The following WDR11 variants were observed in gnomAD, a reference collection of about 807,000 sequenced individuals.
WDR11 encodes WD repeat-containing protein 11.
In WDR11, 83 loss-of-function variants were observed where a neutral mutation model predicts 151.2. The ratio of observed to expected loss-of-function variants is 0.55; its 90% CI spans 0.46 to 0.66. The LOEUF is 0.66. Ranked by LOEUF, WDR11 falls within the 30% of genes least tolerant of loss-of-function variation. WDR11 has a pLI of 0.00. For missense variants in WDR11, 1,301 were observed against 1,480.9 expected (o/e 0.88, Z 1.99); for synonymous variants, 484 against 533.1 (o/e 0.91, Z 1.27).
intron 9 of WDR11, 125 bp from the exon 10 acceptor site, chr10:120,871,045 A>G (rs976994516): frequency 5.1e-6 from 5 of 976,702 alleles, no homozygotes; most frequent in East Asian, 2.6e-5. Flanking sequence ...TACAGCCACT[A>G]AAGTACTACA....
intron 14 of WDR11, among the ~76,000 whole-genome samples, chr10:120,885,370 A>G (rs1280511361): frequency 6.6e-6 from 1 of 152,114 alleles, no homozygotes; most frequent in African/African-American, 2.4e-5. Context: ...GAACTTATAC[A>G]TATGCGAGGA....
Position 120,903,081 on chromosome 10 carries a change from A to C in WDR11, c.2780A>C (p.His927Pro). The C allele has an allele frequency of 6.2e-7, 1 of 1,614,122 alleles. No homozygotes were observed. Among genetic ancestry groups the C allele is most frequent in the East Asian group, 2.2e-5 (1 of 44,882 alleles). The change falls in exon 23 of 29, where the codon CAC (histidine) becomes CCC (proline). Residue 927 changes from histidine to proline, a missense_variant. Coordinates refer to ENST00000263461, the MANE Select transcript of WDR11 (RefSeq NM_018117.12). ...CTCTATGGTGATGAATCGGAGCTGC[A>C]CTTCTGGACTGTCGCTGCCCACTAC... is the stretch of plus-strand genomic sequence containing the variant. The part of the protein sequence containing the change: ...SRLYGDESEL[H>P]FWTVAAHYLH...
At position 120,905,372 on chromosome 10, in the gene WDR11, C is replaced by G. The variant is rs1847995373; in HGVS notation, c.3247C>G (p.Leu1083Val). 2 of 1,614,188 alleles carry G rather than the reference C, an allele frequency of 1.2e-6. No individual in the cohort carries two copies. The highest frequency in any genetic ancestry group is 4.5e-5 in the East Asian group (2 of 44,882). The part of the protein sequence containing the change: ...IDKAADACRY[L>V]QTYGEWNRAA... Reference sequence around the variant, plus strand: ...TAAGGCTGCAGACGCCTGCCGCTACCTGCAGACATACGGCGAGTGGAATCG... The same window carrying G: ...TAAGGCTGCAGACGCCTGCCGCTACGTGCAGACATACGGCGAGTGGAATCG... Residue 1083 changes from leucine to valine, a missense_variant, in exon 26 of 29, where the codon CTG becomes GTG. By Grantham distance (32) the Leu-to-Val change is conservative. This residue lies in a region of WDR11 where 589 missense variants were observed against 670.6 expected (regional missense o/e 0.88). Transcript: ENST00000263461.
chr10:120,872,321 GTTGA>G (rs1310249937), intron 10 of WDR11, among the ~76,000 whole-genome samples: 2 of 152,178 alleles, frequency 1.3e-5, no homozygotes, highest in African/African-American at 2.4e-5. Flanking sequence ...TTTAGAAACT[GTTGA>G]TTAATATTTC....
At position 120,852,427 on chromosome 10, in the gene WDR11, T is replaced by C. The variant is rs972413625; in HGVS notation, c.87-97T>C. The C allele has an allele frequency of 3.2e-6, 3 of 933,838 alleles. No individual in the cohort carries two copies. The African/African-American group carries it at 4.9e-5, about 15-fold the overall frequency. 57.8% of individuals were successfully genotyped at this position (933,838 alleles called of 1,614,324 possible). Reference sequence around the variant, plus strand: ...GTTTAAATGATTTTATTAATGGTGGTACATATGAATTAGACTTATCATTTA... The same window carrying C: ...GTTTAAATGATTTTATTAATGGTGGCACATATGAATTAGACTTATCATTTA... On this transcript the variant is annotated intron_variant, in intron 1 of 28. Transcript: ENST00000263461.
chr10:120,898,030 G>A (rs186303887), intron 19 of WDR11, among the ~76,000 whole-genome samples: 3 of 152,108 alleles, frequency 2.0e-5, no homozygotes, highest in African/African-American at 7.2e-5. Flanking sequence ...TTTTCCAATA[G>A]AAACATAATG....
At chr10:120,899,619 C>T (rs1224620773) in intron 19 of WDR11, among the ~76,000 whole-genome samples, 1 of 151,950 alleles carries the variant, frequency 6.6e-6, no homozygotes, top group Non-Finnish European at 1.5e-5. Context: ...CCCATCTCTA[C>T]TAAAAATGCA....
At chr10:120,859,954 TACACACACAC>T (rs3217470) in intron 3 of WDR11, among the ~76,000 whole-genome samples, 145 bp from the exon 4 acceptor site, 1 of 150,724 alleles carries the variant, frequency 6.6e-6, no homozygotes, top group Non-Finnish European at 1.5e-5. Context: ...GGAATATTGA[TACACACACAC>T]ACACACACAC....
Position 120,860,255 on chromosome 10 carries a change from G to A in WDR11, c.499G>A (p.Asp167Asn). The change falls in exon 4 of 29, where the codon GAC (aspartate) becomes AAC (asparagine). Residue 167 changes from aspartate (D) to asparagine (N), a missense_variant. Asp to Asn is a conservative substitution (Grantham distance 23, BLOSUM62 1). Around this residue, in one of 3 missense-constraint regions of WDR11, gnomAD observed 692 missense variants for 762.5 expected, o/e 0.91. Transcript: ENST00000263461. ...YADNILSFSF[D>N]PFDPSHLTLL... is the part of the protein sequence containing the mutation. ...AGATAACATTCTTTCTTTTTCTTTT[G>A]ACCCTTTTGATCCCTCACATTTAAC... The A allele has an allele frequency of 6.2e-7, 1 of 1,613,908 alleles. No homozygotes were observed. Among genetic ancestry groups the A allele is most frequent in the Middle Eastern group, 1.7e-4 (1 of 6,060 alleles).
rs1164782640 is a variant in WDR11, at chr10:120,865,038, T to G, written c.714-9T>G. 1 of 1,613,742 alleles carries G rather than the reference T, an allele frequency of 6.2e-7. No individual in the cohort carries two copies. The highest frequency in any genetic ancestry group is 1.7e-4 in the Middle Eastern group (1 of 6,060). The stretch of plus-strand genomic sequence containing the variant: ...GTCTTTGACCCAAGTGAATGTTTAC[T>G]TTTTTCAGTGCTGAATTCATAACTC... On this transcript the variant is annotated splice_polypyrimidine_tract_variant and intron_variant, in intron 5 of 28. Transcript: ENST00000263461.
At position 120,902,158 on chromosome 10, in the gene WDR11, G is replaced by T; in HGVS notation, c.2688-99G>T. The T allele has an allele frequency of 3.1e-6, 3 of 978,218 alleles. No homozygotes were observed. The South Asian group carries it at 4.0e-5, about 13-fold the overall frequency. 60.6% of individuals were successfully genotyped at this position (978,218 alleles called of 1,614,324 possible). On this transcript the variant is annotated intron_variant, in intron 21 of 28. Transcript: ENST00000263461. ...TGTGTAAATTCTAAACATGTTATTTGACTGGAATTTTTCATTTCAAGAGTA... is the reference window on the plus strand; with the variant it reads ...TGTGTAAATTCTAAACATGTTATTTTACTGGAATTTTTCATTTCAAGAGTA...
intron 9 of WDR11, among the ~76,000 whole-genome samples, chr10:120,869,180 G>A (rs1449686234): frequency 4.1e-5 from 6 of 145,836 alleles, no homozygotes; most frequent in South Asian, 2.2e-4. Context: ...GCGCGATCTC[G>A]GCTCACTGCA....
intron 19 of WDR11, 148 bp from the exon 20 acceptor site, chr10:120,899,881 C>T: frequency 1.5e-6 from 1 of 679,216 alleles, no homozygotes; most frequent in Non-Finnish European, 2.6e-6. Context: ...CTTGTGTTTC[C>T]TAAGCGGTGA....
chr10:120,871,404 T>G, intron 10 of WDR11, 58 bp downstream of exon 10: 2 of 1,527,280 alleles, frequency 1.3e-6, no homozygotes, highest in Non-Finnish European at 1.8e-6. Flanking sequence ...GTTTAGGTTT[T>G]CTAGTTTCTA....
chr10:120,866,692 TCGTAGTGAGTGATG>T lies in WDR11; in HGVS notation c.1119_1132del (p.Val374GlnfsTer13). On this transcript the variant is annotated frameshift_variant, in exon 8 of 29. Transcript: ENST00000263461. LOFTEE classifies it high-confidence loss of function. ...CCTGTCAATGAGAATGCAGCCGCCCTCGTAGTGAGTGATGGCAGGGTCATGATATGGGAACTCAA... is the reference window on the plus strand; with the variant it reads ...CCTGTCAATGAGAATGCAGCCGCCCTGCAGGGTCATGATATGGGAACTCAA... 1 of 1,614,188 alleles carries T rather than the reference TCGTAGTGAGTGATG, an allele frequency of 6.2e-7. No homozygotes were observed. The highest frequency in any genetic ancestry group is 8.5e-7 in the Non-Finnish European group (1 of 1,180,036).
chr10:120,882,165 A>G (rs2133777176), intron 13 of WDR11, among the ~76,000 whole-genome samples: 1 of 152,194 alleles, frequency 6.6e-6, no homozygotes, highest in East Asian at 1.9e-4. Context: ...GGTGAATTAC[A>G]TTGATTGATT....
At position 120,890,856 on chromosome 10, in the gene WDR11, G is replaced by A. The variant is rs377485686; in HGVS notation, c.2484G>A (p.Ala828=). Residue 828 remains alanine, a synonymous_variant, in exon 19 of 29, where the codon GCG becomes GCA. Transcript: ENST00000263461. The part of the protein sequence containing the change: ...IRVLEMSMKS[A]CFRMDEQELT... The stretch of plus-strand genomic sequence containing the variant: ...TCCTAGAGATGTCTATGAAGTCTGC[G>A]TGCTTTAGAATGGATGAACAAGAGT... 10 of 1,614,024 alleles carry A rather than the reference G, an allele frequency of 6.2e-6. No individual in the cohort carries two copies. The highest frequency in any genetic ancestry group is 8.5e-6 in the Non-Finnish European group (10 of 1,180,032).
In WDR11 at chr10:120,886,719, A is replaced by G. The variant is rs1847232959; in HGVS notation, c.2004A>G (p.Glu668=). 6.2e-7 allele frequency: 1 copy of G among 1,613,984 alleles called. No homozygotes were observed. Among genetic ancestry groups the G allele is most frequent in the African/African-American group, 1.3e-5 (1 of 75,034 alleles). The change falls in exon 16 of 29, where the codon GAA becomes GAG. Residue 668 remains glutamate (E), a synonymous_variant. Transcript: ENST00000263461. The part of the protein sequence containing the change: ...SLLQEAESKS[E]LSQNISAREH... The stretch of plus-strand genomic sequence containing the variant: ...TGCAGGAGGCAGAAAGTAAATCTGA[A>G]CTTAGTCAGAACATCTCTGCCCGGG...
In WDR11 at chr10:120,860,269, C is replaced by T. The variant is rs2133735250; in HGVS notation, c.513C>T (p.Pro171=). ...CTTTTTCTTTTGACCCTTTTGATCC[C>T]TCACATTTAACTTGTGAGTAACAGT... ...ILSFSFDPFD[P]SHLTLLTSEG... The change falls in exon 4 of 29, where the codon CCC becomes CCT. Residue 171 remains proline (P), a synonymous_variant. Transcript: ENST00000263461. 1 of 1,613,684 alleles carries T rather than the reference C, an allele frequency of 6.2e-7. No homozygotes were observed. Among genetic ancestry groups the T allele is most frequent in the Non-Finnish European group, 8.5e-7 (1 of 1,180,008 alleles).
Sources: allele counts gnomAD v4.1 joint callset (sites outside exome capture counted in the v4.1 genomes callset), GRCh38; gene constraint gnomAD v4.1.1; regional missense constraint gnomAD v4.1.1; transcripts MANE v1.5; gene names NCBI Gene and HGNC (gene_info 2026-07-23, HGNC 2026-07-21).